The following GFPT2 variants were observed in gnomAD, a reference collection of about 807,000 sequenced individuals.
The protein encoded by GFPT2 is glutamine--fructose-6-phosphate transaminase 2, also known as glutamine--fructose-6-phosphate aminotransferase [isomerizing] 2.
A neutral mutation model predicts 85.6 loss-of-function variants in GFPT2; 62 were observed. The observed-to-expected ratio is 0.72, with a 90% CI of 0.59 to 0.90. The LOEUF (loss-of-function observed/expected upper bound fraction) is 0.90. GFPT2 is among the 40% of genes least tolerant of loss of function. GFPT2 has a pLI of 0.00. For synonymous variants in GFPT2, 368 were observed against 344.5 expected (o/e 1.07, Z -0.75); for missense variants, 788 against 893.4 (o/e 0.88, Z 1.50).
intron 18 of GFPT2, 48 bp from the exon 19 acceptor site, chr5:180,301,656 C>T (rs762219108): frequency 1.4e-6 from 2 of 1,440,512 alleles, no homozygotes; most frequent in Non-Finnish European, 2.0e-6. Context: ...ATCTCAGCAA[C>T]ATGCTACCTC....
intron 14 of GFPT2, among the ~76,000 whole-genome samples, chr5:180,313,387 C>G (rs1012020850): frequency 6.0e-5 from 9 of 150,156 alleles, no homozygotes; most frequent in East Asian, 2.1e-4. Context: ...GTCAGGAGAT[C>G]GAGACCATCC....
intron 15 of GFPT2, among the ~76,000 whole-genome samples, chr5:180,308,455 TG>T (rs1175449675): frequency 6.6e-6 from 1 of 152,246 alleles, no homozygotes; most frequent in Non-Finnish European, 1.5e-5. Context: ...CTCTAATATC[TG>T]CTTTCACATT....
At chr5:180,347,465 G>A (rs1764631167) in intron 1 of GFPT2, among the ~76,000 whole-genome samples, 1 of 152,212 alleles carries the variant, frequency 6.6e-6, no homozygotes. Flanking sequence ...ACCGGGAAAG[G>A]TCCCAGAAGG....
chr5:180,327,110 A>G (rs977760422), intron 7 of GFPT2, among the ~76,000 whole-genome samples: 7 of 152,212 alleles, frequency 4.6e-5, no homozygotes, highest in Admixed American at 3.3e-4. Context: ...CCAGTCTGGA[A>G]GAGACAGCCT....
In GFPT2 at chr5:180,301,176, A is replaced by G; in HGVS notation, c.*388T>C. 1 of 220,556 alleles carries G rather than the reference A, an allele frequency of 4.5e-6. No individual in the cohort carries two copies. Among genetic ancestry groups the G allele is most frequent in the Non-Finnish European group, 9.0e-6 (1 of 111,434 alleles). 13.7% of individuals were successfully genotyped at this position (220,556 alleles called of 1,614,324 possible). The stretch of plus-strand genomic sequence containing the variant: ...GTTTGGCCGTTACCACGGCTACAGA[A>G]AGCCACATACTAGAAAAATAACTTA... On this transcript the variant is annotated 3_prime_UTR_variant, in exon 19 of 19. Coordinates refer to ENST00000253778, the MANE Select transcript of GFPT2 (RefSeq NM_005110.4).
At chr5:180,322,235 A>G (rs1435285085) in intron 9 of GFPT2, among the ~76,000 whole-genome samples, 1 of 151,934 alleles carries the variant, frequency 6.6e-6, no homozygotes, top group Non-Finnish European at 1.5e-5. Flanking sequence ...AGGCAGGAGG[A>G]TCCCTTGAGT....
chr5:180,316,597 A>G (rs1764014471), intron 12 of GFPT2, 136 bp from the exon 13 acceptor site: 1 of 1,011,774 alleles, frequency 9.9e-7, no homozygotes. Context: ...GGTCACCCAC[A>G]GGCCACCTCG....
chr5:180,312,526 T>C lies in GFPT2; in HGVS notation c.1450A>G (p.Ile484Val). The change falls in exon 15 of 19, where the codon ATC (isoleucine) becomes GTC (valine). Residue 484 changes from isoleucine (I) to valine (V), a missense_variant. Transcript: ENST00000253778. ...ASTKAYTSQF[I>V]SLVMFGLMMS... The stretch of plus-strand genomic sequence containing the variant: ...ATCAAACCAAACATCACCAGAGAGA[T>C]GAACTGACTGGTATAAGCCTGTGCA... The C allele has an allele frequency of 6.3e-7, 1 of 1,590,956 alleles. No homozygotes were observed. The highest frequency in any genetic ancestry group is 8.6e-7 in the Non-Finnish European group (1 of 1,158,816).
intron 12 of GFPT2, 81 bp from the exon 13 acceptor site, chr5:180,316,542 A>G: frequency 6.7e-7 from 1 of 1,492,718 alleles, no homozygotes; most frequent in South Asian, 1.2e-5. Context: ...TTCTAGGGAC[A>G]GTTTGTGACA....
In GFPT2 at chr5:180,318,779, TG is replaced by T; in HGVS notation, c.958+13del. 6.2e-7 allele frequency: 1 copy of T among 1,612,220 alleles called. No homozygotes were observed. Among genetic ancestry groups the T allele is most frequent in the Non-Finnish European group, 8.5e-7 (1 of 1,178,694 alleles). On this transcript the variant is annotated intron_variant, in intron 10 of 18. Coordinates refer to ENST00000253778, the MANE Select transcript of GFPT2 (RefSeq NM_005110.4). The surrounding 1 kb of genome is among the most constrained non-coding windows in gnomAD (Gnocchi z 4.2). ...TCCCGAGGCTGCCGCACGTGGACTC[TG>T]GAGGACACCTGCCTTTCATGATTTG...
intron 15 of GFPT2, among the ~76,000 whole-genome samples, chr5:180,309,228 T>A (rs1307003508): frequency 6.6e-6 from 1 of 152,148 alleles, no homozygotes; most frequent in Non-Finnish European, 1.5e-5. Context: ...AGAGGTGTTT[T>A]CTAACACTCA....
intron 6 of GFPT2, among the ~76,000 whole-genome samples, chr5:180,329,505 T>C (rs1421301565): frequency 1.3e-5 from 2 of 152,266 alleles, no homozygotes; most frequent in African/African-American, 4.8e-5. Flanking sequence ...CAGCATGCTG[T>C]AATACCTAAT....
chr5:180,328,828 G>T lies in GFPT2; in HGVS notation c.535-490C>A, dbSNP rs1252274831. Among the ~76,000 whole-genome samples, 1 of 152,216 alleles carries T rather than the reference G, an allele frequency of 6.6e-6. No homozygotes were observed. Among genetic ancestry groups the T allele is most frequent in the African/African-American group, 2.4e-5 (1 of 41,464 alleles). ...CGTTCTCCTCATCGGTGAAGGAAGT[G>T]AGAACAGCGCCACCTGGCGGGGCTT... is the stretch of plus-strand genomic sequence containing the variant. On this transcript the variant is annotated intron_variant, in intron 6 of 18. Coordinates refer to ENST00000253778, the MANE Select transcript of GFPT2 (RefSeq NM_005110.4). The surrounding 1 kb of genome is among the most constrained non-coding windows in gnomAD (Gnocchi z 5.4).
chr5:180,347,896 G>A (rs995096325), intron 1 of GFPT2, among the ~76,000 whole-genome samples: 3 of 152,136 alleles, frequency 2.0e-5, no homozygotes, highest in Non-Finnish European at 2.9e-5. Flanking sequence ...TTGGGCCCAC[G>A]TTCTGATTCT....
intron 7 of GFPT2, among the ~76,000 whole-genome samples, chr5:180,327,076 G>C (rs950370606): frequency 2.0e-5 from 3 of 152,158 alleles, no homozygotes; most frequent in African/African-American, 7.2e-5. Flanking sequence ...ATAAATTCCT[G>C]TTGTTTCCTG....
rs577060704 is a variant in GFPT2, at chr5:180,351,393, C to T, written c.7+1818G>A. ...TTCCCATGCAGGGATTCCACGACTT[C>T]CTGCTGAGCTGTGCCCTCCCCACTT... On this transcript the variant is annotated intron_variant, in intron 1 of 18. Coordinates refer to ENST00000253778, the MANE Select transcript of GFPT2 (RefSeq NM_005110.4). Among the ~76,000 whole-genome samples, 214 of 152,348 alleles carry T rather than the reference C, an allele frequency of 1.4e-3. 2 individuals are homozygous for T. Among genetic ancestry groups the T allele is most frequent in the African/African-American group, 4.4e-3 (181 of 41,574 alleles).
chr5:180,333,192 C>A (rs1018989271), intron 4 of GFPT2, among the ~76,000 whole-genome samples: 1 of 152,182 alleles, frequency 6.6e-6, no homozygotes, highest in South Asian at 2.1e-4. Flanking sequence ...ACGTCCATCC[C>A]CTTCTCCATT....
At chr5:180,319,474 A>G (rs897182960) in intron 9 of GFPT2, among the ~76,000 whole-genome samples, 7 of 152,230 alleles carry the variant, frequency 4.6e-5, no homozygotes, top group African/African-American at 1.7e-4. Context: ...GAACAACCAC[A>G]TACTTTATGA....
At chr5:180,317,616 G>A (rs1012544843) in intron 10 of GFPT2, among the ~76,000 whole-genome samples, 19 of 146,822 alleles carry the variant, frequency 1.3e-4, no homozygotes, top group South Asian at 2.2e-4. Flanking sequence ...AAAATTAGCC[G>A]GGCGTAGTGG....
Sources: gnomAD v4.1 joint callset for allele counts (sites outside exome capture counted in the v4.1 genomes callset) on GRCh38, gnomAD v4.1.1 for gene constraint, Gnocchi (gnomAD v3.1) non-coding constraint, MANE v1.5 for transcripts, NCBI Gene and HGNC (gene_info 2026-07-23, HGNC 2026-07-21) for gene names.